The following ASIC2 variants were observed in gnomAD, a reference collection of about 807,000 sequenced individuals.
The protein encoded by ASIC2 is acid-sensing ion channel 2.
A neutral mutation model predicts 57.3 loss-of-function variants in ASIC2; 25 were observed. That is an observed-to-expected ratio of 0.44 (90% CI 0.32 to 0.61). The LOEUF is 0.61. Ranked by LOEUF, ASIC2 falls within the 20% of genes least tolerant of loss-of-function variation. The pLI, the probability that ASIC2 is intolerant of heterozygous loss-of-function variation, is 0.06. For missense variants in ASIC2, 641 were observed against 738.1 expected, an observed-to-expected ratio of 0.87 and a Z score of 1.52; for synonymous variants, 319 against 307.5, an observed-to-expected ratio of 1.04 and a Z score of -0.39.
intron 1 of ASIC2, among the ~76,000 whole-genome samples, chr17:33,771,347 A>G (rs1345067963): frequency 6.6e-6 from 1 of 152,234 alleles, no homozygotes; most frequent in Non-Finnish European, 1.5e-5. Flanking sequence ...TCTGTGTGGC[A>G]CATTTGGGCA....
intron 1 of ASIC2, among the ~76,000 whole-genome samples, chr17:33,497,368 T>C (rs1350474233): frequency 2.0e-5 from 3 of 152,194 alleles, no homozygotes; most frequent in African/African-American, 7.2e-5. Context: ...TCTTCTTCCA[T>C]GTAGGGTTCA....
chr17:33,647,325 C>T (rs189335744), intron 1 of ASIC2, among the ~76,000 whole-genome samples: 42 of 152,312 alleles, frequency 2.8e-4, no homozygotes, highest in Non-Finnish European at 4.9e-4. Context: ...ACTTCTTACT[C>T]ATTAGAAAGG....
chr17:33,103,546 G>A (rs770341426), intron 2 of ASIC2, among the ~76,000 whole-genome samples: 2 of 152,114 alleles, frequency 1.3e-5, no homozygotes, highest in Non-Finnish European at 2.9e-5. Flanking sequence ...CTCATTCAGG[G>A]GTAAAAGGTC....
intron 1 of ASIC2, among the ~76,000 whole-genome samples, chr17:33,412,801 T>A (rs1036524908): frequency 1.3e-5 from 2 of 151,992 alleles, no homozygotes; most frequent in East Asian, 3.9e-4. Flanking sequence ...GCCAGAGAGA[T>A]AAAAGGAATT....
intron 1 of ASIC2, among the ~76,000 whole-genome samples, chr17:33,639,336 C>T (rs1906478678): frequency 6.6e-6 from 1 of 152,150 alleles, no homozygotes; most frequent in African/African-American, 2.4e-5. Context: ...TGCAATCAGG[C>T]AGTTTATCTT....
At chr17:33,551,220 G>A (rs1440034385) in intron 1 of ASIC2, among the ~76,000 whole-genome samples, 1 of 152,172 alleles carries the variant, frequency 6.6e-6, no homozygotes, top group Non-Finnish European at 1.5e-5. Flanking sequence ...CTAGCATTAT[G>A]AAAATGTTAT....
intron 1 of ASIC2, among the ~76,000 whole-genome samples, chr17:33,980,408 CAG>C (rs1312266856): frequency 2.0e-5 from 3 of 152,098 alleles, no homozygotes; most frequent in African/African-American, 7.2e-5. Flanking sequence ...AGAAATGACT[CAG>C]TGGGCGAGAA....
At chr17:34,076,176 C>T (rs969246227) in intron 1 of ASIC2, among the ~76,000 whole-genome samples, 3 of 151,652 alleles carry the variant, frequency 2.0e-5, no homozygotes, top group Non-Finnish European at 4.4e-5. Context: ...CTAATTTTTT[C>T]GTATTTTTAA....
intron 1 of ASIC2, among the ~76,000 whole-genome samples, chr17:33,611,010 C>T (rs781608098): frequency 1.6e-4 from 24 of 152,226 alleles, no homozygotes; most frequent in African/African-American, 5.3e-4. Context: ...GACCAGCAGA[C>T]TGATTTCTGG....
intron 1 of ASIC2, among the ~76,000 whole-genome samples, chr17:34,153,481 C>A (rs1296139197): frequency 6.6e-6 from 1 of 151,942 alleles, no homozygotes; most frequent in Admixed American, 6.5e-5. Flanking sequence ...ATGCTTATAT[C>A]CCAGGCCAAA....
intron 1 of ASIC2, among the ~76,000 whole-genome samples, chr17:33,454,723 G>T (rs1474266588): frequency 6.6e-6 from 1 of 152,154 alleles, no homozygotes; most frequent in African/African-American, 2.4e-5. Context: ...AGTTCTGGAG[G>T]CTGAGAATTC....
rs1025447573 is a variant in ASIC2 at position 33,603,302 on chromosome 17, G to A, written c.556-491235C>T. 5.3e-5 allele frequency among the ~76,000 whole-genome samples: 8 copies of A among 152,176 alleles called. No individual in the cohort carries two copies. In the East Asian group the frequency reaches 1.2e-3, roughly 22 times the overall value. ...GGTTTCCCCACTAAGGAGGCATCTGGGGAGAGAGCCTGATTGGGACTCCAG... is the reference window on the plus strand; with the variant it reads ...GGTTTCCCCACTAAGGAGGCATCTGAGGAGAGAGCCTGATTGGGACTCCAG... On this transcript the variant is annotated intron_variant, in intron 1 of 9. Transcript: ENST00000359872.
chr17:33,303,713 C>T (rs1014658597), intron 1 of ASIC2, among the ~76,000 whole-genome samples: 2 of 152,108 alleles, frequency 1.3e-5, no homozygotes, highest in East Asian at 1.9e-4. Flanking sequence ...ACCCTCCTTC[C>T]CTTCCTTTCT....
intron 1 of ASIC2, among the ~76,000 whole-genome samples, chr17:33,372,413 C>A (rs900669209): frequency 6.6e-6 from 1 of 152,098 alleles, no homozygotes; most frequent in Non-Finnish European, 1.5e-5. Flanking sequence ...CTCTGCCTAC[C>A]CCCTGGGGCC....
intron 1 of ASIC2, among the ~76,000 whole-genome samples, chr17:33,669,617 G>T (rs1182192389): frequency 6.6e-6 from 1 of 152,136 alleles, no homozygotes; most frequent in African/African-American, 2.4e-5. Context: ...TTAACCCCCT[G>T]CCCCCAAATA....
chr17:33,325,895 G>C (rs1443293447), intron 1 of ASIC2, among the ~76,000 whole-genome samples: 5 of 152,142 alleles, frequency 3.3e-5, no homozygotes, highest in Admixed American at 6.5e-5. Flanking sequence ...AGTGCAGTTG[G>C]GGGGCTGGTA....
chr17:33,245,216 G>C (rs945888092), intron 1 of ASIC2, among the ~76,000 whole-genome samples: 2 of 152,140 alleles, frequency 1.3e-5, no homozygotes, highest in Non-Finnish European at 2.9e-5. Context: ...TGCTGTCTTT[G>C]AGAAACTCAT....
Position 33,235,409 on chromosome 17 carries a change from G to A in ASIC2, c.708+55999C>T, listed in dbSNP as rs1213536590. Among the ~76,000 whole-genome samples, 3 of 152,230 alleles carry A rather than the reference G, an allele frequency of 2.0e-5. No individual in the cohort carries two copies. The South Asian group carries it at 6.2e-4, about 31-fold the overall frequency. Reference sequence around the variant, plus strand: ...GGAGAGCTGAGCCAGGATGAGTCATGCATGGGCTGGGAATTGGTGCCTTCC... The same window carrying A: ...GGAGAGCTGAGCCAGGATGAGTCATACATGGGCTGGGAATTGGTGCCTTCC... On this transcript the variant is annotated intron_variant, in intron 1 of 9. Transcript: ENST00000225823.
intron 5 of ASIC2, among the ~76,000 whole-genome samples, chr17:33,024,782 T>C (rs546188633): frequency 6.6e-6 from 1 of 152,272 alleles, no homozygotes; most frequent in African/African-American, 2.4e-5. Context: ...CCCCCTAACT[T>C]TGATGTTTTC....
Sources: allele counts gnomAD v4.1 joint callset (sites outside exome capture counted in the v4.1 genomes callset), GRCh38; gene constraint gnomAD v4.1.1; transcripts MANE v1.5; gene names NCBI Gene and HGNC (gene_info 2026-07-23, HGNC 2026-07-21).